The following BUD13 variants were observed in gnomAD, a reference collection of about 807,000 sequenced individuals.
BUD13 encodes BUD13 homolog.
A neutral mutation model predicts 62.5 loss-of-function variants in BUD13; 47 were observed. The ratio of observed to expected loss-of-function variants is 0.75; its 90% CI spans 0.60 to 0.96. BUD13 has a LOEUF of 0.96. Among genes scored for constraint, BUD13 ranks in the 40% least tolerant of loss-of-function variants. The pLI, the probability that BUD13 is intolerant of heterozygous loss-of-function variation, is 0.00. For missense variants in BUD13, 821 were observed against 790.9 expected (o/e 1.04, Z -0.46); for synonymous variants, 293 against 280.1 (o/e 1.05, Z -0.46).
At chr11:116,753,188 T>C (rs1940268908) in intron 9 of BUD13, among the ~76,000 whole-genome samples, 1 of 152,140 alleles carries the variant, frequency 6.6e-6, no homozygotes. Flanking sequence ...GCATGGCTCA[T>C]GAAGGCAGAA....
chr11:116,763,664 C>T (rs1940479339), intron 3 of BUD13, among the ~76,000 whole-genome samples: 1 of 152,132 alleles, frequency 6.6e-6, no homozygotes, highest in African/African-American at 2.4e-5. Flanking sequence ...TTCTAACTCC[C>T]AGTCCAATGT....
At chr11:116,759,400 T>C (rs1940391393) in intron 5 of BUD13, among the ~76,000 whole-genome samples, 3 of 152,170 alleles carry the variant, frequency 2.0e-5, no homozygotes, top group African/African-American at 7.2e-5. Context: ...TAACAATATA[T>C]TAAATGGAGG....
chr11:116,758,135 G>T (rs1940364372), intron 7 of BUD13, 134 bp downstream of exon 7: 1 of 1,442,246 alleles, frequency 6.9e-7, no homozygotes, highest in Non-Finnish European at 9.4e-7. Context: ...CTAGGAAGAA[G>T]ATTCAGCACA....
intron 3 of BUD13, among the ~76,000 whole-genome samples, chr11:116,764,254 T>C (rs1037974464): frequency 2.0e-5 from 3 of 152,166 alleles, no homozygotes; most frequent in Admixed American, 1.3e-4. Context: ...ACAGCCCAAA[T>C]ACAAATAAAA....
At chr11:116,761,136 C>T (rs1272161134) in intron 4 of BUD13, among the ~76,000 whole-genome samples, 184 bp from the exon 5 acceptor site, 1 of 151,972 alleles carries the variant, frequency 6.6e-6, no homozygotes, top group Non-Finnish European at 1.5e-5. Flanking sequence ...ACTGCAACCT[C>T]CGCCTCCTGG....
chr11:116,758,546 G>T, intron 6 of BUD13, 139 bp from the exon 7 acceptor site: 4 of 828,390 alleles, frequency 4.8e-6, no homozygotes, highest in Non-Finnish European at 7.2e-6. Flanking sequence ...CAACATCTTG[G>T]TGCATATTGG....
chr11:116,763,656 C>G (rs568024231), intron 3 of BUD13, among the ~76,000 whole-genome samples: 155 of 152,260 alleles, frequency 1.0e-3, no homozygotes, highest in African/African-American at 3.3e-3. Flanking sequence ...TCCAAGTCTT[C>G]TAACTCCCAG....
At chr11:116,752,453 T>TG (rs1940252771) in intron 9 of BUD13, among the ~76,000 whole-genome samples, 1 of 150,720 alleles carries the variant, frequency 6.6e-6, no homozygotes, top group Non-Finnish European at 1.5e-5. Flanking sequence ...GAACAAGAAG[T>TG]GGAAAAAAGC....
intron 9 of BUD13, among the ~76,000 whole-genome samples, chr11:116,754,384 T>A (rs531329050): frequency 2.0e-5 from 3 of 152,296 alleles, no homozygotes; most frequent in African/African-American, 7.2e-5. Context: ...CAGTATATTA[T>A]CTGACCAAAA....
intron 2 of BUD13, among the ~76,000 whole-genome samples, chr11:116,765,789 A>G (rs562530175): frequency 6.6e-6 from 1 of 152,354 alleles, no homozygotes; most frequent in Admixed American, 6.5e-5. Context: ...CTACATTAAC[A>G]GTGGAAACAT....
At chr11:116,757,553 G>A (rs950333349) in intron 8 of BUD13, among the ~76,000 whole-genome samples, 1 of 151,984 alleles carries the variant, frequency 6.6e-6, no homozygotes, top group Non-Finnish European at 1.5e-5. Context: ...ACCCACCTCG[G>A]CCTCCCGAAG....
chr11:116,772,753 C>T (rs751380374), intron 1 of BUD13, 69 bp downstream of exon 1: 7 of 1,426,962 alleles, frequency 4.9e-6, no homozygotes, highest in Non-Finnish European at 5.5e-6. Flanking sequence ...AACTGCCGGG[C>T]GGCCGAGGGC....
chr11:116,752,493 C>T (rs372884852), intron 9 of BUD13, among the ~76,000 whole-genome samples: 2,135 of 60,680 alleles, frequency 0.035, 29 homozygotes, highest in African/African-American at 0.079. Context: ...AAATTAAATA[C>T]TAGTAAAAAA....
chr11:116,755,542 G>A (rs11825181), intron 9 of BUD13, among the ~76,000 whole-genome samples: 15,392 of 152,226 alleles, frequency 0.1, 995 homozygotes, highest in African/African-American at 0.18. Context: ...ACCAGCACTT[G>A]TTGAGTTTTT....
intron 7 of BUD13, 46 bp from the exon 8 acceptor site, chr11:116,757,996 T>G (rs559563590): frequency 6.2e-7 from 1 of 1,604,162 alleles, no homozygotes; most frequent in Non-Finnish European, 8.5e-7. Context: ...GTATGACATT[T>G]CCACTTCTAC....
intron 9 of BUD13, 97 bp from the exon 10 acceptor site, chr11:116,748,672 A>G (rs768168439): frequency 9.5e-5 from 117 of 1,233,758 alleles, no homozygotes; most frequent in Admixed American, 6.4e-4. Flanking sequence ...AAAAGGGGGG[A>G]AAGTAAGGAG....
intron 2 of BUD13, among the ~76,000 whole-genome samples, chr11:116,769,504 TCAG>T (rs1344858686): frequency 6.6e-6 from 1 of 152,182 alleles, no homozygotes; most frequent in Non-Finnish European, 1.5e-5. Flanking sequence ...TAACTGAACC[TCAG>T]CATTGTTTTT....
intron 9 of BUD13, among the ~76,000 whole-genome samples, chr11:116,752,428 TC>T (rs1481259264): frequency 1.3e-5 from 2 of 151,332 alleles, no homozygotes; most frequent in Non-Finnish European, 2.9e-5. Flanking sequence ...AGAGAAGAAA[TC>T]TAGGATAAAA....
At chr11:116,761,598 C>T (rs1940433021) in intron 4 of BUD13, among the ~76,000 whole-genome samples, 1 of 152,146 alleles carries the variant, frequency 6.6e-6, no homozygotes, top group Non-Finnish European at 1.5e-5. Context: ...TCAGTAACCC[C>T]ACCCATGGAA....
Sources: gnomAD v4.1 joint callset for allele counts (sites outside exome capture counted in the v4.1 genomes callset) on GRCh38, gnomAD v4.1.1 for gene constraint, MANE v1.5 for transcripts, NCBI Gene and HGNC (gene_info 2026-07-23, HGNC 2026-07-21) for gene names.